The following WWOX variants were observed in gnomAD, a reference collection of about 807,000 sequenced individuals.
WWOX encodes WW domain-containing oxidoreductase.
WWOX carries 69 observed loss-of-function variants against 46.2 expected under a neutral mutation model. The observed-to-expected ratio is 1.49, with a 90% confidence interval of 1.23 to 1.82. WWOX has a LOEUF of 1.82. Among genes scored for constraint, WWOX ranks in the 40% most tolerant of loss-of-function variants. WWOX has a pLI of 0.00. For synonymous variants in WWOX, 359 were observed against 202.6 expected (o/e 1.77, Z -6.56); for missense variants, 919 against 542.6 (o/e 1.69, Z -6.89).
intron 8 of WWOX, among the ~76,000 whole-genome samples, chr16:78,883,238 A>G (rs969739069): frequency 1.3e-5 from 2 of 152,118 alleles, no homozygotes; most frequent in South Asian, 2.1e-4. Flanking sequence ...AGCTTTGTGA[A>G]CTTCAGCAAG....
At chr16:78,979,285 G>C (rs937687560) in intron 8 of WWOX, among the ~76,000 whole-genome samples, 1 of 152,050 alleles carries the variant, frequency 6.6e-6, no homozygotes, top group Non-Finnish European at 1.5e-5. Context: ...TAACGCCTGT[G>C]TTTTAGTTCA....
At chr16:78,411,422 A>C (rs1171590086) in intron 6 of WWOX, among the ~76,000 whole-genome samples, 1 of 152,154 alleles carries the variant, frequency 6.6e-6, no homozygotes, top group African/African-American at 2.4e-5. Context: ...ACCTTGAAGA[A>C]CAATTAGGAA....
intron 5 of WWOX, among the ~76,000 whole-genome samples, chr16:78,171,163 T>G (rs528091398): frequency 7.0e-4 from 106 of 152,342 alleles, no homozygotes; most frequent in African/African-American, 2.5e-3. Context: ...TCATAGATAC[T>G]GACACCTGTG....
chr16:78,368,504 G>T (rs1164864504), intron 5 of WWOX, among the ~76,000 whole-genome samples: 1 of 152,150 alleles, frequency 6.6e-6, no homozygotes, highest in South Asian at 2.1e-4. Flanking sequence ...ACCCCATAAG[G>T]CTGCAAGCGC....
chr16:78,842,734 C>G (rs571575035), intron 8 of WWOX, among the ~76,000 whole-genome samples: 1 of 152,120 alleles, frequency 6.6e-6, no homozygotes, highest in African/African-American at 2.4e-5. Context: ...CACCTGTAGC[C>G]GCAGCTACTC....
intron 8 of WWOX, among the ~76,000 whole-genome samples, chr16:79,132,486 C>T (rs1004686335): frequency 2.6e-5 from 4 of 152,108 alleles, no homozygotes; most frequent in Non-Finnish European, 5.9e-5. Flanking sequence ...GGGAGAGTTA[C>T]TTGCCACGTT....
chr16:78,424,681 T>C (rs994372073), intron 6 of WWOX, among the ~76,000 whole-genome samples, 189 bp from the exon 7 acceptor site: 1 of 152,182 alleles, frequency 6.6e-6, no homozygotes, highest in Non-Finnish European at 1.5e-5. Flanking sequence ...CCTTGTGACA[T>C]TCTAGGGTAT....
At chr16:79,077,052 G>A (rs2048670764) in intron 8 of WWOX, among the ~76,000 whole-genome samples, 1 of 152,032 alleles carries the variant, frequency 6.6e-6, no homozygotes, top group Non-Finnish European at 1.5e-5. Context: ...ATTCCCTAAG[G>A]TTCCACGTAA....
intron 8 of WWOX, among the ~76,000 whole-genome samples, chr16:78,799,509 C>A (rs760040192): frequency 6.6e-6 from 1 of 152,136 alleles, no homozygotes; most frequent in African/African-American, 2.4e-5. Flanking sequence ...ATAATATCGT[C>A]ATCACATGTC....
chr16:78,504,773 C>T (rs988432035), intron 8 of WWOX, among the ~76,000 whole-genome samples: 2 of 151,938 alleles, frequency 1.3e-5, no homozygotes, highest in Admixed American at 6.6e-5. Flanking sequence ...GAAGCCTCCC[C>T]GTTTACATGC....
At chr16:78,642,885 A>G (rs2046753845) in intron 8 of WWOX, among the ~76,000 whole-genome samples, 1 of 152,154 alleles carries the variant, frequency 6.6e-6, no homozygotes, top group Admixed American at 6.5e-5. Context: ...CCTACTGCCA[A>G]ATTATGGCAC....
intron 8 of WWOX, among the ~76,000 whole-genome samples, chr16:78,595,084 C>T (rs1218621420): frequency 3.3e-5 from 5 of 152,150 alleles, no homozygotes; most frequent in Admixed American, 2.0e-4. Flanking sequence ...AGCTGCCATG[C>T]GCATGAGGCT....
intron 5 of WWOX, among the ~76,000 whole-genome samples, chr16:78,183,413 A>G (rs150107953): frequency 1.3e-5 from 2 of 152,178 alleles, no homozygotes; most frequent in East Asian, 3.9e-4. Context: ...GTTTTCTTTG[A>G]CTTTGGTGGT....
At chr16:78,839,219 CAG>C (rs978072619) in intron 8 of WWOX, among the ~76,000 whole-genome samples, 35 of 152,194 alleles carry the variant, frequency 2.3e-4, no homozygotes, top group African/African-American at 8.0e-4. Flanking sequence ...GCCCACCACC[CAG>C]AGAGAGTCAC....
chr16:78,614,269 G>C (rs2045967733), intron 8 of WWOX, among the ~76,000 whole-genome samples: 2 of 152,208 alleles, frequency 1.3e-5, no homozygotes, highest in South Asian at 4.1e-4. Context: ...TCCAGCTTGG[G>C]CAGTATAGAT....
chr16:78,786,648 T>A (rs979320260), intron 8 of WWOX, among the ~76,000 whole-genome samples: 5 of 152,362 alleles, frequency 3.3e-5, no homozygotes, highest in African/African-American at 1.2e-4. Flanking sequence ...CATCAAAATC[T>A]AATTTTAGAG....
intron 8 of WWOX, among the ~76,000 whole-genome samples, chr16:79,014,649 C>T (rs1310289375): frequency 2.0e-5 from 3 of 152,148 alleles, no homozygotes; most frequent in African/African-American, 7.2e-5. Context: ...GTTTATTAAT[C>T]ATGTGTCACT....
chr16:78,925,634 T>C (rs2045480685), intron 8 of WWOX, among the ~76,000 whole-genome samples: 1 of 152,216 alleles, frequency 6.6e-6, no homozygotes, highest in Non-Finnish European at 1.5e-5. Context: ...CGTCAAACTG[T>C]ACAGAACTCT....
At chr16:79,066,112 T>G (rs1271723520) in intron 8 of WWOX, among the ~76,000 whole-genome samples, 1 of 152,174 alleles carries the variant, frequency 6.6e-6, no homozygotes, top group Admixed American at 6.5e-5. Flanking sequence ...TGCTTTTTCT[T>G]TTTGTGCACT....
Sources: allele counts gnomAD v4.1 joint callset (sites outside exome capture counted in the v4.1 genomes callset), GRCh38; gene constraint gnomAD v4.1.1; transcripts MANE v1.5; gene names NCBI Gene and HGNC (gene_info 2026-07-23, HGNC 2026-07-21).